The following MMP26 variants were observed in gnomAD, a reference collection of about 807,000 sequenced individuals.
MMP26 encodes matrix metalloproteinase-26.
In MMP26, 33 loss-of-function variants were observed where a neutral mutation model predicts 31.0. The observed-to-expected ratio is 1.06, with a 90% CI of 0.81 to 1.42. MMP26 has a LOEUF of 1.42. MMP26 is among the 40% of genes most tolerant of loss of function. The probability of loss-of-function intolerance (pLI) is 0.00; values close to 1 mark genes in which losing one functional copy is unlikely to be tolerated. For synonymous variants in MMP26, 122 were observed against 114.9 expected (o/e 1.06, Z -0.40); for missense variants, 347 against 316.1 (o/e 1.10, Z -0.74).
At chr11:4,732,044 T>C (rs1440610714) in intron 1 of MMP26, among the ~76,000 whole-genome samples, 2 of 152,212 alleles carry the variant, frequency 1.3e-5, no homozygotes, top group Non-Finnish European at 2.9e-5. Context: ...TATCTCTTTG[T>C]GTCCTAAAGG....
In MMP26 at chr11:4,855,442, C is replaced by T. The variant is rs182964928; in HGVS notation, c.-145+88101C>T. The stretch of plus-strand genomic sequence containing the variant: ...TGATGCATGCACAAGCTTCAGTAGA[C>T]GATTCGATCAAGTGGAAGAAAGGGT... On this transcript the variant is annotated intron_variant, in intron 2 of 7. Transcript: ENST00000380390. Among the ~76,000 whole-genome samples, 842 of 152,138 alleles carry T rather than the reference C, an allele frequency of 5.5e-3. 7 individuals carry two copies. Among genetic ancestry groups the T allele is most frequent in the African/African-American group, 0.019 (790 of 41,494 alleles).
chr11:4,733,759 T>C (rs1395826022), intron 1 of MMP26, among the ~76,000 whole-genome samples: 3 of 152,180 alleles, frequency 2.0e-5, no homozygotes, highest in Non-Finnish European at 2.9e-5. Flanking sequence ...TTTTTCATTA[T>C]ATTAGAGGGG....
intron 2 of MMP26, among the ~76,000 whole-genome samples, chr11:4,899,310 G>T (rs1850767356): frequency 6.6e-6 from 1 of 152,068 alleles, no homozygotes; most frequent in Non-Finnish European, 1.5e-5. Flanking sequence ...TGTTTGTGTT[G>T]TCTATTTGCC....
At chr11:4,848,936 G>T (rs369896989) in intron 2 of MMP26, 182 of 1,613,968 alleles carry the variant, frequency 1.1e-4, no homozygotes, top group Non-Finnish European at 2.0e-5. Flanking sequence ...CAAGGGCGAT[G>T]CCCAGCAGTG....
chr11:4,874,214 TA>T (rs1455024702), intron 2 of MMP26, among the ~76,000 whole-genome samples: 1 of 152,076 alleles, frequency 6.6e-6, no homozygotes. Flanking sequence ...CTAGTACAAG[TA>T]AGGTGAAATT....
rs374586773 is a variant in MMP26 at position 4,984,389 on chromosome 11, A to G, written c.-144-3679A>G. Among the ~76,000 whole-genome samples, 27 of 152,338 alleles carry G rather than the reference A, an allele frequency of 1.8e-4. No individual in the cohort carries two copies. The East Asian group carries it at 5.2e-3, about 29-fold the overall frequency. On this transcript the variant is annotated intron_variant, in intron 2 of 7. Transcript: ENST00000380390. The stretch of plus-strand genomic sequence containing the variant: ...TTGATGAAGAAAGTGCATTCTTGGC[A>G]CAGCGTATGCGCTCAATAAGTTGTT...
intron 2 of MMP26, among the ~76,000 whole-genome samples, chr11:4,878,812 T>C (rs539688330): frequency 6.6e-6 from 1 of 152,116 alleles, no homozygotes; most frequent in East Asian, 1.9e-4. Context: ...TGTTTACTTA[T>C]GCATCTGAGC....
chr11:4,976,581 G>A (rs1480363360), intron 2 of MMP26, among the ~76,000 whole-genome samples: 2 of 151,978 alleles, frequency 1.3e-5, no homozygotes, highest in Admixed American at 6.6e-5. Context: ...TTAGGCCCAT[G>A]TATTGATCTT....
At chr11:4,886,768 C>T (rs1279539323) in intron 2 of MMP26, among the ~76,000 whole-genome samples, 1 of 139,032 alleles carries the variant, frequency 7.2e-6, no homozygotes, top group Non-Finnish European at 1.7e-5. Flanking sequence ...AGAATAAAAC[C>T]ACAACCTTAA....
At chr11:4,812,659 C>T (rs976237780) in intron 2 of MMP26, among the ~76,000 whole-genome samples, 7 of 152,122 alleles carry the variant, frequency 4.6e-5, no homozygotes, top group Admixed American at 1.3e-4. Context: ...CTCATTAAAT[C>T]GCACTTGACA....
chr11:4,884,194 G>A (rs1176649361), intron 2 of MMP26, among the ~76,000 whole-genome samples: 3 of 152,124 alleles, frequency 2.0e-5, no homozygotes, highest in Admixed American at 2.0e-4. Context: ...ACATAAGAGT[G>A]TGTGGCGGGA....
intron 2 of MMP26, among the ~76,000 whole-genome samples, chr11:4,958,331 C>T (rs369211873): frequency 1.3e-5 from 2 of 152,198 alleles, no homozygotes; most frequent in Admixed American, 6.5e-5. Flanking sequence ...CTTTTTCTAT[C>T]GTATCTCACT....
At chr11:4,811,811 C>T (rs1313412518) in intron 2 of MMP26, among the ~76,000 whole-genome samples, 2 of 152,142 alleles carry the variant, frequency 1.3e-5, no homozygotes, top group African/African-American at 4.8e-5. Flanking sequence ...AAGCATTTAT[C>T]AGACTACCCA....
intron 2 of MMP26, among the ~76,000 whole-genome samples, chr11:4,983,556 G>T (rs1160852316): frequency 6.6e-6 from 1 of 152,202 alleles, no homozygotes; most frequent in Admixed American, 6.5e-5. Flanking sequence ...TCTGCTAGGA[G>T]AGGTCCTAGG....
chr11:4,802,453 T>C (rs1214394007), intron 2 of MMP26, among the ~76,000 whole-genome samples: 2 of 152,202 alleles, frequency 1.3e-5, no homozygotes, highest in East Asian at 1.9e-4. Flanking sequence ...TTTACAATTT[T>C]AATTATGTAG....
intron 2 of MMP26, chr11:4,822,067 A>T (rs377283160): frequency 1.2e-6 from 2 of 1,613,762 alleles, no homozygotes; most frequent in East Asian, 2.2e-5. Context: ...CTGCCCTTGC[A>T]TCCTGCTCTC....
At chr11:4,714,920 T>TCA (rs66913726) in intron 1 of MMP26, among the ~76,000 whole-genome samples, 7,352 of 141,666 alleles carry the variant, frequency 0.052, 283 homozygotes, top group Admixed American at 0.097. Flanking sequence ...TCTCTCTCTC[T>TCA]CACACACACA....
chr11:4,947,288 T>C, intron 2 of MMP26: 1 of 458,348 alleles, frequency 2.2e-6, no homozygotes, highest in Non-Finnish European at 4.0e-6. Flanking sequence ...CTTTGGACTA[T>C]AATCTGTCGT....
In MMP26 at chr11:4,853,408, TA is replaced by T. The variant is rs936489355; in HGVS notation, c.-145+86074del. On this transcript the variant is annotated intron_variant, in intron 2 of 7. Transcript: ENST00000380390. The stretch of plus-strand genomic sequence containing the variant: ...AAAGCTGAAAATAATGGAATAAAAT[TA>T]AAAAAACAAAATAAGTACAGGTGAC... 5.9e-5 allele frequency among the ~76,000 whole-genome samples: 9 copies of T among 151,570 alleles called. 1 individual carries two copies. In the South Asian group the frequency reaches 6.2e-4, roughly 10 times the overall value.
Sources: allele counts gnomAD v4.1 joint callset (sites outside exome capture counted in the v4.1 genomes callset), GRCh38; gene constraint gnomAD v4.1.1; transcripts MANE v1.5; gene names NCBI Gene and HGNC (gene_info 2026-07-23, HGNC 2026-07-21).